The following DNTT variants were observed in gnomAD, a reference collection of about 807,000 sequenced individuals.
DNTT encodes the protein DNA nucleotidylexotransferase.
In DNTT, 47 loss-of-function variants were observed where a neutral mutation model predicts 60.9. The observed-to-expected ratio is 0.77, with a 90% CI of 0.61 to 0.98. The LOEUF (loss-of-function observed/expected upper bound fraction) is 0.98, where lower values mean the gene tolerates loss of function less well. Ranked by LOEUF, DNTT falls within the 50% of genes least tolerant of loss-of-function variation. DNTT has a pLI of 0.00. For missense variants in DNTT, 665 were observed against 627.5 expected, an observed-to-expected ratio of 1.06 and a Z score of -0.64; for synonymous variants, 224 against 221.2, an observed-to-expected ratio of 1.01 and a Z score of -0.11.
chr10:96,319,179 AC>A, intron 2 of DNTT, 82 bp from the exon 3 acceptor site: 3 of 1,493,746 alleles, frequency 2.0e-6, no homozygotes, highest in Non-Finnish European at 2.7e-6. Context: ...CCAACTACAG[AC>A]AACTACTTCC....
intron 3 of DNTT, 21 bp downstream of exon 3, chr10:96,319,411 C>T: frequency 6.2e-7 from 1 of 1,611,780 alleles, no homozygotes; most frequent in East Asian, 2.2e-5. Context: ...TTTACATCAA[C>T]ACCCAGGGCA....
intron 6 of DNTT, among the ~76,000 whole-genome samples, chr10:96,325,023 C>A (rs1052933017): frequency 6.6e-6 from 1 of 152,158 alleles, no homozygotes; most frequent in South Asian, 2.1e-4. Flanking sequence ...CTGTCATCAC[C>A]CACCTGAAAG....
In DNTT at chr10:96,307,699, G is replaced by GTATATA. The variant is rs1483322695; in HGVS notation, c.203+3000_203+3001insATATAT. Among the ~76,000 whole-genome samples the GTATATA allele has an allele frequency of 6.1e-3, 418 of 68,818 alleles. 1 individual carries two copies. Among genetic ancestry groups the GTATATA allele is most frequent in the Non-Finnish European group, 9.9e-3 (343 of 34,612 alleles). 45.1% of individuals were successfully genotyped at this position (68,818 alleles called of 152,430 possible). On this transcript the variant is annotated intron_variant, in intron 1 of 10. Transcript: ENST00000371174. ...AGCATATATATATGTATGTGTGTGT[G>GTATATA]TGTGTGTATATATATATATATATAT...
In DNTT at chr10:96,322,746, T is replaced by C. The variant is rs1648807703; in HGVS notation, c.750+18T>C. The C allele has an allele frequency of 3.2e-6, 5 of 1,568,936 alleles. No homozygotes were observed. The highest frequency in any genetic ancestry group is 1.4e-5 in the African/African-American group (1 of 73,806). On this transcript the variant is annotated intron_variant, in intron 5 of 10. Coordinates refer to ENST00000371174, the MANE Select transcript of DNTT (RefSeq NM_004088.4). ...CCTTCAAAGTAAGTGATTTTACATA[T>C]ATTTATTGAAAATTGTTTTTCAGTT...
chr10:96,319,484 C>G (rs1468135402), intron 3 of DNTT, 94 bp downstream of exon 3: 1 of 1,565,724 alleles, frequency 6.4e-7, no homozygotes, highest in Non-Finnish European at 8.7e-7. Flanking sequence ...TTCTGAAAAC[C>G]TGGGAAAGTT....
rs143243394 is a variant in DNTT, at chr10:96,337,694, A to G, written c.1444-444A>G. Among the ~76,000 whole-genome samples, 58 of 152,330 alleles carry G rather than the reference A, an allele frequency of 3.8e-4. 2 individuals carry two copies. Among genetic ancestry groups the G allele is most frequent in the African/African-American group, 1.2e-3 (51 of 41,570 alleles). ...GAAAGCTAAGGAAAACCCAACACAT[A>G]CAAGTATCCTATAATTACCAGCAGT... On this transcript the variant is annotated intron_variant, in intron 10 of 10. Coordinates refer to ENST00000371174, the MANE Select transcript of DNTT (RefSeq NM_004088.4).
chr10:96,311,443 T>A (rs1273508711), intron 1 of DNTT, among the ~76,000 whole-genome samples: 1 of 152,014 alleles, frequency 6.6e-6, no homozygotes, highest in Non-Finnish European at 1.5e-5. Context: ...TTATACTTCA[T>A]GAGAGGCAGG....
chr10:96,326,371 C>T (rs1316642053), intron 6 of DNTT, among the ~76,000 whole-genome samples: 1 of 152,066 alleles, frequency 6.6e-6, no homozygotes, highest in Non-Finnish European at 1.5e-5. Flanking sequence ...AGTAGTGTTC[C>T]ACAAGTGGCG....
chr10:96,307,874 G>A (rs991081297), intron 1 of DNTT, among the ~76,000 whole-genome samples: 2 of 149,368 alleles, frequency 1.3e-5, no homozygotes, highest in Non-Finnish European at 3.0e-5. Flanking sequence ...CAGACTCAAC[G>A]GATCCTCTCA....
rs530737355 is a variant in DNTT, at chr10:96,309,692, T to A, written c.203+4992T>A. Among the ~76,000 whole-genome samples, 3 of 152,284 alleles carry A rather than the reference T, an allele frequency of 2.0e-5. No homozygotes were observed. In the South Asian group the frequency reaches 6.2e-4, roughly 32 times the overall value. On this transcript the variant is annotated intron_variant, in intron 1 of 10. Coordinates refer to ENST00000371174, the MANE Select transcript of DNTT (RefSeq NM_004088.4). Reference sequence around the variant, plus strand: ...GCATTATTTTTTTCCACCTGAATGTTGGTAAAGACTCTCTCCTTGACTAAA... The same window carrying A: ...GCATTATTTTTTTCCACCTGAATGTAGGTAAAGACTCTCTCCTTGACTAAA...
intron 9 of DNTT, among the ~76,000 whole-genome samples, chr10:96,335,523 A>G (rs1399407276): frequency 6.6e-6 from 1 of 152,176 alleles, no homozygotes; most frequent in Non-Finnish European, 1.5e-5. Flanking sequence ...ATTCCAAATC[A>G]TGTAACACCC....
Position 96,324,351 on chromosome 10 carries a change from C to G in DNTT, c.836C>G (p.Ser279Trp), listed in dbSNP as rs375602690. Reference sequence around the variant, plus strand: ...TTCAGAACTCTGAGTAAAGTAAGGTCGGACAAAAGCCTGAAATTTACACGA... The same window carrying G: ...TTCAGAACTCTGAGTAAAGTAAGGTGGGACAAAAGCCTGAAATTTACACGA... ...MGFRTLSKVRSDKSLKFTRMQ... is the reference protein window; with the variant it reads ...MGFRTLSKVRWDKSLKFTRMQ... Residue 279 changes from serine (S) to tryptophan (W), a missense_variant, in exon 6 of 11, where the codon TCG becomes TGG. Ser to Trp is a radical substitution (Grantham distance 177, BLOSUM62 -3). Coordinates refer to ENST00000371174, the MANE Select transcript of DNTT (RefSeq NM_004088.4). The G allele has an allele frequency of 9.9e-6, 16 of 1,613,784 alleles. No individual in the cohort carries two copies. In the South Asian group the frequency reaches 1.8e-4, roughly 18 times the overall value.
Position 96,328,843 on chromosome 10 carries a change from A to T in DNTT, c.1113+13A>T, listed in dbSNP as rs903291066. 1.2e-6 allele frequency: 2 copies of T among 1,609,522 alleles called. No homozygotes were observed. The highest frequency in any genetic ancestry group is 2.2e-5 in the South Asian group (2 of 89,840). ...ATGGGAAAAGAAGGTGAGAAGAAAGATGAAAAATACATGCACACGCAAACA... is the reference window on the plus strand; with the variant it reads ...ATGGGAAAAGAAGGTGAGAAGAAAGTTGAAAAATACATGCACACGCAAACA... On this transcript the variant is annotated intron_variant, in intron 8 of 10. Coordinates refer to ENST00000371174, the MANE Select transcript of DNTT (RefSeq NM_004088.4).
intron 4 of DNTT, 33 bp downstream of exon 4, chr10:96,320,821 A>G: frequency 6.2e-7 from 1 of 1,610,562 alleles, no homozygotes; most frequent in Non-Finnish European, 8.5e-7. Flanking sequence ...CCCACTTCCC[A>G]ATAGGTAGGT....
intron 1 of DNTT, among the ~76,000 whole-genome samples, chr10:96,314,126 G>A (rs1844755067): frequency 6.6e-6 from 1 of 152,130 alleles, no homozygotes; most frequent in Non-Finnish European, 1.5e-5. Context: ...CAGCAGCAAG[G>A]CAATACGTTT....
chr10:96,331,406 G>A (rs529338755), intron 8 of DNTT, among the ~76,000 whole-genome samples: 2 of 152,318 alleles, frequency 1.3e-5, no homozygotes, highest in Admixed American at 1.3e-4. Flanking sequence ...TAAGAAGCAC[G>A]ACACCAAGCA....
rs142879524 is a variant in DNTT, at chr10:96,306,234, C to T, written c.203+1534C>T. Among the ~76,000 whole-genome samples the T allele has an allele frequency of 6.9e-3, 1,042 of 151,914 alleles. 9 individuals carry two copies. Among genetic ancestry groups the T allele is most frequent in the African/African-American group, 0.023 (946 of 41,412 alleles). On this transcript the variant is annotated intron_variant, in intron 1 of 10. Coordinates refer to ENST00000371174, the MANE Select transcript of DNTT (RefSeq NM_004088.4). ...TCAGCCTCCCAAGTAGCTGGGACTA[C>T]GGACACGCGCCACCACAATCAGCTA...
intron 4 of DNTT, among the ~76,000 whole-genome samples, chr10:96,321,770 C>G (rs1844883512): frequency 6.6e-6 from 1 of 152,096 alleles, no homozygotes; most frequent in African/African-American, 2.4e-5. Context: ...GCCTGACATT[C>G]CTGGTTTGGA....
At chr10:96,316,450 A>G (rs1479286714) in intron 1 of DNTT, among the ~76,000 whole-genome samples, 3 of 152,196 alleles carry the variant, frequency 2.0e-5, no homozygotes, top group Admixed American at 6.5e-5. Flanking sequence ...AGTGCTATCA[A>G]TGTTCTGCTC....
Sources: allele counts gnomAD v4.1 joint callset (sites outside exome capture counted in the v4.1 genomes callset), GRCh38; gene constraint gnomAD v4.1.1; transcripts MANE v1.5; gene names NCBI Gene and HGNC (gene_info 2026-07-23, HGNC 2026-07-21).